Variants in MEI4 observed in about 807,000 individuals in gnomAD.
MEI4 encodes meiosis-specific protein MEI4.
MEI4 carries 27 observed loss-of-function variants against 31.4 expected under a neutral mutation model. The observed-to-expected ratio is 0.86, with a 90% confidence interval of 0.63 to 1.19. The LOEUF (loss-of-function observed/expected upper bound fraction) is 1.19, where lower values mean the gene tolerates loss of function less well. Ranked by LOEUF, MEI4 falls within the 50% of genes most tolerant of loss-of-function variation. The pLI is 0.00. For missense variants in MEI4, 329 were observed against 398.9 expected (o/e 0.82, Z 1.49); for synonymous variants, 122 against 145.4 (o/e 0.84, Z 1.16).
intron 1 of MEI4, among the ~76,000 whole-genome samples, chr6:77,688,222 G>A: frequency 6.6e-6 from 1 of 152,074 alleles, no homozygotes; most frequent in East Asian, 1.9e-4. Flanking sequence ...AATTAAGAAG[G>A]CATACATTTA....
chr6:77,777,683 C>T (rs1490511871), intron 3 of MEI4, among the ~76,000 whole-genome samples: 1 of 151,990 alleles, frequency 6.6e-6, no homozygotes, highest in African/African-American at 2.4e-5. Context: ...TTAAGTATAC[C>T]CATATAATCA....
intron 1 of MEI4, among the ~76,000 whole-genome samples, chr6:77,680,596 A>T (rs111806302): frequency 1.1e-3 from 166 of 152,352 alleles, no homozygotes; most frequent in African/African-American, 2.6e-3. Context: ...CAAAAATGCA[A>T]AGGGCATCAT....
At chr6:77,711,748 T>C (rs1275066658) in intron 2 of MEI4, among the ~76,000 whole-genome samples, 3 of 152,224 alleles carry the variant, frequency 2.0e-5, no homozygotes, top group African/African-American at 7.2e-5. Flanking sequence ...TAAAGGTAAC[T>C]AGCAGAAGTA....
At chr6:77,912,152 A>G (rs190229863) in intron 4 of MEI4, among the ~76,000 whole-genome samples, 335 of 152,098 alleles carry the variant, frequency 2.2e-3, no homozygotes, top group African/African-American at 7.3e-3. Flanking sequence ...ATATGGAATT[A>G]TTTCTGCATT....
At chr6:77,698,807 G>A (rs1271905418) in intron 2 of MEI4, among the ~76,000 whole-genome samples, 7 of 152,242 alleles carry the variant, frequency 4.6e-5, no homozygotes, top group Non-Finnish European at 5.9e-5. Flanking sequence ...GAATCTGAAC[G>A]TTGGCCTGCC....
intron 4 of MEI4, among the ~76,000 whole-genome samples, chr6:77,836,623 A>G (rs1388933331): frequency 4.6e-5 from 7 of 152,154 alleles, no homozygotes; most frequent in Non-Finnish European, 8.8e-5. Context: ...AAACAAACTA[A>G]TTTTCTATAT....
At chr6:77,813,785 C>A (rs1324609191) in intron 3 of MEI4, among the ~76,000 whole-genome samples, 1 of 151,928 alleles carries the variant, frequency 6.6e-6, no homozygotes, top group Non-Finnish European at 1.5e-5. Flanking sequence ...TATTTTTTAA[C>A]CTAGTTGGTA....
chr6:77,894,131 T>C (rs1182492173), intron 4 of MEI4, among the ~76,000 whole-genome samples: 2 of 152,286 alleles, frequency 1.3e-5, no homozygotes, highest in Non-Finnish European at 2.9e-5. Context: ...ACTTATTGAA[T>C]GGTTTATATA....
At chr6:77,754,849 C>T (rs1767871397) in intron 2 of MEI4, among the ~76,000 whole-genome samples, 2 of 151,906 alleles carry the variant, frequency 1.3e-5, no homozygotes, top group Admixed American at 1.3e-4. Context: ...ACAACTCACT[C>T]ACTGTCATGA....
intron 3 of MEI4, among the ~76,000 whole-genome samples, chr6:77,791,522 C>G (rs1455241107): frequency 3.5e-5 from 4 of 112,910 alleles, no homozygotes; most frequent in African/African-American, 3.6e-5. Context: ...CACACTCTGG[C>G]GACTGTTGTG....
At chr6:77,863,623 C>T (rs543876709) in intron 4 of MEI4, among the ~76,000 whole-genome samples, 33 of 152,226 alleles carry the variant, frequency 2.2e-4, no homozygotes, top group South Asian at 1.5e-3. Context: ...CTGAAAGTGA[C>T]GGAGAGAATG....
At chr6:77,658,188 A>G (rs1446523279) in intron 1 of MEI4, among the ~76,000 whole-genome samples, 4 of 151,972 alleles carry the variant, frequency 2.6e-5, no homozygotes, top group Admixed American at 1.3e-4. Flanking sequence ...GTTAAGAGCA[A>G]TGTTTTGCGG....
chr6:77,684,103 G>A (rs1011021154), intron 1 of MEI4, among the ~76,000 whole-genome samples: 2 of 152,052 alleles, frequency 1.3e-5, no homozygotes, highest in Non-Finnish European at 2.9e-5. Flanking sequence ...GTTTTAATTT[G>A]CATTTCCCTA....
At chr6:77,805,236 G>A (rs1042767236) in intron 3 of MEI4, among the ~76,000 whole-genome samples, 1 of 152,010 alleles carries the variant, frequency 6.6e-6, no homozygotes, top group Non-Finnish European at 1.5e-5. Context: ...CTTCTTATTA[G>A]ATACCATACT....
At chr6:77,779,160 A>T (rs1768531144) in intron 3 of MEI4, among the ~76,000 whole-genome samples, 1 of 152,204 alleles carries the variant, frequency 6.6e-6, no homozygotes. Flanking sequence ...GTGGTCATGT[A>T]GAGATGAAGA....
intron 3 of MEI4, among the ~76,000 whole-genome samples, 176 bp from the exon 4 acceptor site, chr6:77,828,755 T>C (rs991557389): frequency 2.6e-5 from 4 of 152,166 alleles, no homozygotes; most frequent in Non-Finnish European, 4.4e-5. Flanking sequence ...CTATAGAAAA[T>C]CTTAGAGCCT....
chr6:77,905,798 C>CT (rs1385534021), intron 4 of MEI4, among the ~76,000 whole-genome samples: 243 of 139,738 alleles, frequency 1.7e-3, no homozygotes, highest in African/African-American at 2.4e-3. Context: ...GCCGGGCCAG[C>CT]TTTTTTTTTT....
chr6:77,765,907 A>G lies in MEI4; in HGVS notation c.768+4242A>G, dbSNP rs1478012612. On this transcript the variant is annotated intron_variant, in intron 3 of 4. Transcript: ENST00000684080. ...TTGTAGGATGAAGCTGGAAACCATC[A>G]TTCTCAGCAAAGTATCGCAAGGACA... is the stretch of plus-strand genomic sequence containing the variant. Among the ~76,000 whole-genome samples, 4 of 152,172 alleles carry G rather than the reference A, an allele frequency of 2.6e-5. No individual in the cohort carries two copies. In the East Asian group the frequency reaches 7.7e-4, roughly 29 times the overall value.
intron 3 of MEI4, among the ~76,000 whole-genome samples, chr6:77,795,629 T>A (rs376996383): frequency 6.6e-6 from 1 of 152,072 alleles, no homozygotes; most frequent in African/African-American, 2.4e-5. Context: ...CAAAAAATCC[T>A]GAGAGACTAC....
Sources: gnomAD v4.1 joint callset for allele counts (sites outside exome capture counted in the v4.1 genomes callset) on GRCh38, gnomAD v4.1.1 for gene constraint, MANE v1.5 for transcripts, NCBI Gene and HGNC (gene_info 2026-07-23, HGNC 2026-07-21) for gene names.